Variants in CALCA observed in about 807,000 individuals in gnomAD.
CALCA encodes calcitonin related polypeptide alpha.
A neutral mutation model predicts 6.9 loss-of-function variants in CALCA; 4 were observed. The observed-to-expected ratio is 0.58, with a 90% CI of 0.29 to 1.33. The LOEUF is 1.33. CALCA is among the 40% of genes most tolerant of loss of function. The pLI is 0.09. For missense variants in CALCA, 174 were observed against 178.3 expected (o/e 0.98, Z 0.14); for synonymous variants, 78 against 70.0 (o/e 1.11, Z -0.57).
chr11:14,971,515 T>C (rs1377805121), intron 1 of CALCA, among the ~76,000 whole-genome samples: 1 of 151,872 alleles, frequency 6.6e-6, no homozygotes, highest in African/African-American at 2.4e-5. Flanking sequence ...GTTAGCCAGG[T>C]CTCTGTGGAG....
chr11:14,968,087 G>A (rs1555025734), downstream of CALCA: 1 of 591,266 alleles, frequency 1.7e-6, no homozygotes, highest in Non-Finnish European at 3.0e-6. Flanking sequence ...AGGTGACTCT[G>A]GATGACTGGC....
Position 14,968,635 on chromosome 11 carries a change from C to T in CALCA, c.*164G>A, listed in dbSNP as rs189671162. The T allele has an allele frequency of 4.5e-6, 7 of 1,569,882 alleles. No homozygotes were observed. In the African/African-American group the frequency reaches 6.8e-5, roughly 15 times the overall value. Reference sequence around the variant, plus strand: ...TTTTCCCAGGTGATTCTCTTCCAACCTGTGAGTCCTGCTCTCTTTCCTCCC... The same window carrying T: ...TTTTCCCAGGTGATTCTCTTCCAACTTGTGAGTCCTGCTCTCTTTCCTCCC... On this transcript the variant is annotated 3_prime_UTR_variant, in exon 4 of 4. Coordinates refer to ENST00000331587, the MANE Select transcript of CALCA (RefSeq NM_001741.3).
chr11:14,971,100 G>A lies in CALCA; in HGVS notation c.86+7C>T. 5 of 1,611,816 alleles carry A rather than the reference G, an allele frequency of 3.1e-6. No individual in the cohort carries two copies. The highest frequency in any genetic ancestry group is 2.5e-6 in the Non-Finnish European group (3 of 1,177,934). ...ACCAGTGTGGTTCTGGCTTCAGGCT[G>A]TCTTACCTGAATGGTGCTGCATGGA... On this transcript the variant is annotated splice_region_variant and intron_variant, in intron 2 of 3. Coordinates refer to ENST00000331587, the MANE Select transcript of CALCA (RefSeq NM_001741.3).
At chr11:14,972,218 T>C (rs1849623861) in intron 1 of CALCA, 27 bp downstream of exon 1, 1 of 153,808 alleles carries the variant, frequency 6.5e-6, no homozygotes. Context: ...GAGAGACATA[T>C]ACCTGAGCCA....
chr11:14,966,879 C>T (rs1555025456), downstream of CALCA: 2 of 152,558 alleles, frequency 1.3e-5, no homozygotes, highest in South Asian at 4.1e-4. Context: ...ACCAGATAAG[C>T]CAATGAGACA....
Position 14,968,981 on chromosome 11 carries a change from A to G in CALCA, c.244T>C (p.Ser82Pro). The G allele has an allele frequency of 6.2e-6, 10 of 1,613,552 alleles. No individual in the cohort carries two copies. The highest frequency in any genetic ancestry group is 8.5e-6 in the Non-Finnish European group (10 of 1,180,024). Residue 82 changes from serine (S) to proline (P), a missense_variant, in exon 4 of 4, where the codon TCT becomes CCT. By Grantham distance (74) the Ser-to-Pro change is moderately conservative. Coordinates refer to ENST00000331587, the MANE Select transcript of CALCA (RefSeq NM_001741.3). Reference sequence around the variant, plus strand: ...GTACTCAGATTACCGCACCGCTTAGATCTGGGGCTGTCCAGGCTGCAGGGA... The same window carrying G: ...GTACTCAGATTACCGCACCGCTTAGGTCTGGGGCTGTCCAGGCTGCAGGGA... ...REGSSLDSPR[S>P]KRCGNLSTCM...
intron 1 of CALCA, 66 bp downstream of exon 1, chr11:14,972,179 A>T (rs1849622358): frequency 6.5e-6 from 1 of 152,808 alleles, no homozygotes; most frequent in Non-Finnish European, 1.5e-5. Context: ...AAAGGGAGTG[A>T]GAAAATGACG....
In CALCA at chr11:14,968,915, G is replaced by A. The variant is rs1849522324; in HGVS notation, c.310C>T (p.His104Tyr). The A allele has an allele frequency of 6.2e-7, 1 of 1,614,022 alleles. No individual in the cohort carries two copies. Among genetic ancestry groups the A allele is most frequent in the Non-Finnish European group, 8.5e-7 (1 of 1,180,032 alleles). Reference protein sequence around the residue: ...GTYTQDFNKFHTFPQTAIGVG... With the variant: ...GTYTQDFNKFYTFPQTAIGVG... ...CCAATTGCAGTTTGGGGGAACGTGT[G>A]AAACTTGTTGAAGTCCTGCGTGTAT... The change falls in exon 4 of 4, where the codon CAC (histidine) becomes TAC (tyrosine). Residue 104 changes from histidine (H) to tyrosine (Y), a missense_variant. By Grantham distance (83) the His-to-Tyr change is moderately conservative. Coordinates refer to ENST00000331587, the MANE Select transcript of CALCA (RefSeq NM_001741.3).
In CALCA at chr11:14,969,002, A is replaced by G. The variant is rs1360676664; in HGVS notation, c.228-5T>C. The G allele has an allele frequency of 1.2e-6, 2 of 1,612,774 alleles. No homozygotes were observed. The highest frequency in any genetic ancestry group is 1.7e-5 in the Admixed American group (1 of 60,008). On this transcript the variant is annotated splice_polypyrimidine_tract_variant and splice_region_variant and intron_variant, in intron 3 of 3. Transcript: ENST00000331587. ...TTAGATCTGGGGCTGTCCAGGCTGC[A>G]GGGAAAACACATACCAGACAGTACC...
Position 14,968,694 on chromosome 11 carries a change from A to C in CALCA, c.*105T>G. On this transcript the variant is annotated 3_prime_UTR_variant, in exon 4 of 4. Transcript: ENST00000331587. ...TTTGAGACATCCTCTGCCACAAGGA[A>C]AGCCACCAATACCAGCCCAAAGAGC... The C allele has an allele frequency of 1.9e-6, 3 of 1,611,334 alleles. No homozygotes were observed. The highest frequency in any genetic ancestry group is 2.5e-6 in the Non-Finnish European group (3 of 1,178,920).
intron 1 of CALCA, 59 bp from the exon 2 acceptor site, chr11:14,971,260 G>A: frequency 9.6e-7 from 1 of 1,044,140 alleles, no homozygotes; most frequent in Non-Finnish European, 1.5e-6. Flanking sequence ...GGAGCCCACA[G>A]ACCTTGGCTC....
chr11:14,969,838 T>C, intron 3 of CALCA, 97 bp downstream of exon 3: 2 of 1,580,644 alleles, frequency 1.3e-6, no homozygotes, highest in Non-Finnish European at 1.7e-6. Context: ...CCTGTTGGAT[T>C]CCTGGCCAGT....
At chr11:14,971,926 G>A (rs1405855054) in intron 1 of CALCA, among the ~76,000 whole-genome samples, 1 of 152,160 alleles carries the variant, frequency 6.6e-6, no homozygotes, top group Non-Finnish European at 1.5e-5. Flanking sequence ...TGATCGCACC[G>A]TCTGCGGAAA....
In CALCA at chr11:14,968,586, C is replaced by T; in HGVS notation, c.*213G>A. 1 of 1,460,472 alleles carries T rather than the reference C, an allele frequency of 6.8e-7. No individual in the cohort carries two copies. The highest frequency in any genetic ancestry group is 9.0e-7 in the Non-Finnish European group (1 of 1,106,586). The allele number at this position is 1,460,472 out of a possible 1,614,324, so 90.5% of individuals were successfully genotyped here. On this transcript the variant is annotated 3_prime_UTR_variant, in exon 4 of 4. Coordinates refer to ENST00000331587, the MANE Select transcript of CALCA (RefSeq NM_001741.3). ...GCTCTGATGACATCTCTGGGGGACT[C>T]AAAGCGGCCCTCATTTTCTGGTATT...
At chr11:14,970,985 A>G in intron 2 of CALCA, 122 bp downstream of exon 2, 1 of 739,002 alleles carries the variant, frequency 1.4e-6, no homozygotes, top group Non-Finnish European at 2.5e-6. Flanking sequence ...AAAAAATTAT[A>G]TATGTGCATG....
chr11:14,968,045 C>T, downstream of CALCA: 1 of 692,036 alleles, frequency 1.4e-6, no homozygotes. Flanking sequence ...GATCACTCCC[C>T]ATAGATATTC....
chr11:14,968,988 G>A lies in CALCA; in HGVS notation c.237C>T (p.Ser79=). 6.2e-7 allele frequency: 1 copy of A among 1,613,284 alleles called. No homozygotes were observed. The highest frequency in any genetic ancestry group is 8.5e-7 in the Non-Finnish European group (1 of 1,179,934). ...EQEREGSSLD[S]PRSKRCGNLS... ...GATTACCGCACCGCTTAGATCTGGG[G>A]CTGTCCAGGCTGCAGGGAAAACACA... The change falls in exon 4 of 4, where the codon AGC becomes AGT. Residue 79 remains serine (S), a synonymous_variant. Coordinates refer to ENST00000331587, the MANE Select transcript of CALCA (RefSeq NM_001741.3).
chr11:14,971,916 T>C (rs1347889350), intron 1 of CALCA, among the ~76,000 whole-genome samples: 1 of 152,204 alleles, frequency 6.6e-6, no homozygotes, highest in African/African-American at 2.4e-5. Flanking sequence ...ACGCCGTCCC[T>C]GATCGCACCG....
chr11:14,971,667 GAAAT>G (rs1410953318), intron 1 of CALCA, among the ~76,000 whole-genome samples: 1 of 152,198 alleles, frequency 6.6e-6, no homozygotes, highest in Non-Finnish European at 1.5e-5. Context: ...TGGAATCTGA[GAAAT>G]AAAAGAATCA....
Sources: allele counts gnomAD v4.1 joint callset (sites outside exome capture counted in the v4.1 genomes callset), GRCh38; gene constraint gnomAD v4.1.1; transcripts MANE v1.5; gene names NCBI Gene and HGNC (gene_info 2026-07-23, HGNC 2026-07-21).